TCF12: variants seen among roughly 807,000 people sequenced by gnomAD.
TCF12 encodes DNA-binding protein HTF4.
TCF12 carries 45 observed loss-of-function variants against 86.0 expected under a neutral mutation model. The observed-to-expected ratio is 0.52, with a 90% CI of 0.41 to 0.67. TCF12 has a LOEUF of 0.67. TCF12 is among the 30% of genes least tolerant of loss of function. The pLI, the probability that TCF12 is intolerant of heterozygous loss-of-function variation, is 0.00. For missense variants in TCF12, 881 were observed against 859.9 expected, an observed-to-expected ratio of 1.02 and a Z score of -0.31; for synonymous variants, 330 against 299.6, an observed-to-expected ratio of 1.10 and a Z score of -1.05.
chr15:57,112,133 A>G (rs934687215), intron 5 of TCF12, among the ~76,000 whole-genome samples: 3 of 152,208 alleles, frequency 2.0e-5, no homozygotes, highest in Non-Finnish European at 2.9e-5. Flanking sequence ...AATTGTACTC[A>G]AAACTTTTTA....
At chr15:57,244,202 T>C (rs1463875035) in intron 13 of TCF12, among the ~76,000 whole-genome samples, 1 of 152,112 alleles carries the variant, frequency 6.6e-6, no homozygotes, top group East Asian at 1.9e-4. Context: ...TTTTATAAGA[T>C]AGCATGTAAA....
chr15:57,261,935 A>G (rs1195446625), intron 16 of TCF12, among the ~76,000 whole-genome samples, 159 bp from the exon 17 acceptor site: 1 of 152,120 alleles, frequency 6.6e-6, no homozygotes, highest in Non-Finnish European at 1.5e-5. Flanking sequence ...AATATTTTGA[A>G]ATTCTCCCCA....
At chr15:57,274,379 A>G (rs1183845003) in intron 19 of TCF12, among the ~76,000 whole-genome samples, 1 of 152,244 alleles carries the variant, frequency 6.6e-6, no homozygotes, top group Non-Finnish European at 1.5e-5. Flanking sequence ...TTTTGTGTAT[A>G]ATCAACCTAA....
chr15:56,919,051 C>T (rs1350265685), intron 1 of TCF12, 145 bp downstream of exon 1: 1 of 152,024 alleles, frequency 6.6e-6, no homozygotes, highest in East Asian at 1.9e-4. Flanking sequence ...CCCGGGGTCC[C>T]CTCCAAGTTG....
At chr15:56,920,377 A>G (rs2059729129) in intron 2 of TCF12, among the ~76,000 whole-genome samples, 1 of 152,018 alleles carries the variant, frequency 6.6e-6, no homozygotes, top group South Asian at 2.1e-4. Context: ...CCTCTCCAGT[A>G]TCAGATGTAG....
intron 5 of TCF12, among the ~76,000 whole-genome samples, chr15:57,133,455 G>T (rs932116869): frequency 6.6e-6 from 1 of 152,302 alleles, no homozygotes. Flanking sequence ...ACTCCAGAGA[G>T]CCTGCCCCCT....
chr15:56,938,492 G>A (rs2060582445), intron 3 of TCF12, among the ~76,000 whole-genome samples: 1 of 151,966 alleles, frequency 6.6e-6, no homozygotes, highest in South Asian at 2.1e-4. Flanking sequence ...TCCTTTCCTG[G>A]TTTTGGTATT....
intron 3 of TCF12, among the ~76,000 whole-genome samples, chr15:57,051,936 A>C (rs1263750123): frequency 1.3e-5 from 2 of 152,128 alleles, no homozygotes; most frequent in African/African-American, 4.8e-5. Context: ...AGAGCAGTTG[A>C]CCATACACAC....
In TCF12 at chr15:56,921,163, A is replaced by G. The variant is rs1352392275; in HGVS notation, c.148+65A>G. On this transcript the variant is annotated intron_variant, in intron 3 of 20. Coordinates refer to ENST00000333725, the MANE Select transcript of TCF12 (RefSeq NM_207037.2). ...GTGTGATACATTTTAGTAGAAAAAT[A>G]GAAAGCATAACATTTAAATATTATT... is the stretch of plus-strand genomic sequence containing the variant. The G allele has an allele frequency of 4.8e-6, 6 of 1,252,714 alleles. No individual in the cohort carries two copies. The South Asian group carries it at 8.0e-5, about 17-fold the overall frequency. 77.6% of individuals were successfully genotyped at this position (1,252,714 alleles called of 1,614,324 possible). A position where few individuals can be genotyped will look rare whatever the true frequency, so the allele number is the denominator to read the frequency against.
At chr15:57,186,821 T>TA (rs1187266697) in intron 6 of TCF12, among the ~76,000 whole-genome samples, 1 of 152,146 alleles carries the variant, frequency 6.6e-6, no homozygotes, top group East Asian at 1.9e-4. Context: ...TTAGGCTGTG[T>TA]AATTCTCACC....
At chr15:57,228,219 A>G (rs2151905958) in intron 8 of TCF12, among the ~76,000 whole-genome samples, 1 of 152,166 alleles carries the variant, frequency 6.6e-6, no homozygotes, top group Middle Eastern at 3.4e-3. Flanking sequence ...AAAAATCAAG[A>G]CTGGCACAAC....
intron 3 of TCF12, among the ~76,000 whole-genome samples, chr15:56,982,376 TA>T (rs1333610795): frequency 1.3e-5 from 2 of 152,198 alleles, no homozygotes; most frequent in Non-Finnish European, 2.9e-5. Context: ...TTACGCTTTT[TA>T]AAAATATAGG....
chr15:57,197,198 C>T (rs1176247426), intron 7 of TCF12, among the ~76,000 whole-genome samples: 1 of 114,764 alleles, frequency 8.7e-6, no homozygotes, highest in African/African-American at 3.1e-5. Context: ...CTCTTGTTAC[C>T]CAGGCTGGAG....
chr15:56,936,297 T>C (rs1002900930), intron 3 of TCF12, among the ~76,000 whole-genome samples: 2 of 152,236 alleles, frequency 1.3e-5, no homozygotes, highest in African/African-American at 4.8e-5. Context: ...AATTGTCTAT[T>C]CATGTCCTTA....
At chr15:56,954,629 C>T (rs1161839146) in intron 3 of TCF12, among the ~76,000 whole-genome samples, 1 of 152,162 alleles carries the variant, frequency 6.6e-6, no homozygotes, top group Non-Finnish European at 1.5e-5. Flanking sequence ...TCAGAGTGAA[C>T]AGGCAGCCTA....
At chr15:57,229,594 G>T (rs1366229461) in intron 8 of TCF12, among the ~76,000 whole-genome samples, 4 of 151,882 alleles carry the variant, frequency 2.6e-5, no homozygotes, top group African/African-American at 7.2e-5. Context: ...AGAATAAACT[G>T]TATATATAAC....
rs1214089172 is a variant in TCF12, at chr15:56,970,610, A to G, written c.148+49512A>G. Among the ~76,000 whole-genome samples, 8 of 152,296 alleles carry G rather than the reference A, an allele frequency of 5.3e-5. No homozygotes were observed. The East Asian group carries it at 5.8e-4, about 11-fold the overall frequency. On this transcript the variant is annotated intron_variant, in intron 3 of 20. Transcript: ENST00000333725. ...GAATATATGGATGAATTCTTCTGCA[A>G]CCTGTGTAAGGAGAGTTTTTCTCTA...
At chr15:57,239,616 C>T (rs757721190) in intron 12 of TCF12, among the ~76,000 whole-genome samples, 1 of 151,678 alleles carries the variant, frequency 6.6e-6, no homozygotes, top group African/African-American at 2.4e-5. Context: ...CTTAAGTAGT[C>T]CAGCCGCAAG....
chr15:56,982,506 A>G (rs1398770041), intron 3 of TCF12, among the ~76,000 whole-genome samples: 1 of 152,200 alleles, frequency 6.6e-6, no homozygotes, highest in Non-Finnish European at 1.5e-5. Flanking sequence ...TGTCTGCATC[A>G]TTTACCATTG....
Sources: gnomAD v4.1 joint callset for allele counts (sites outside exome capture counted in the v4.1 genomes callset) on GRCh38, gnomAD v4.1.1 for gene constraint, MANE v1.5 for transcripts, NCBI Gene and HGNC (gene_info 2026-07-23, HGNC 2026-07-21) for gene names.